The following NR5A2 variants were observed in gnomAD, a reference collection of about 807,000 sequenced individuals.
The protein encoded by NR5A2 is nuclear receptor subfamily 5 group A member 2.
Under a neutral mutation model 62.7 loss-of-function variants are expected in NR5A2, and 26 were observed. The observed-to-expected ratio is 0.41, with a 90% CI of 0.30 to 0.58. NR5A2 has a LOEUF of 0.58. NR5A2 is among the 20% of genes least tolerant of loss of function. The probability of loss-of-function intolerance (pLI) is 0.22; values close to 1 mark genes in which losing one functional copy is unlikely to be tolerated. For synonymous variants in NR5A2, 246 were observed against 241.7 expected (o/e 1.02, Z -0.16); for missense variants, 541 against 669.1 (o/e 0.81, Z 2.11).
rs141557572 is a variant in NR5A2 at position 200,123,636 on chromosome 1, G to A, written c.1378+2681G>A. Among the ~76,000 whole-genome samples the A allele has an allele frequency of 6.0e-3, 909 of 152,254 alleles. 6 individuals carry two copies. Among genetic ancestry groups the A allele is most frequent in the Non-Finnish European group, 9.7e-3 (659 of 68,020 alleles). ...AGTGTTCTTAAGGCGACGGGGATGC[G>A]GTGAATAACTTAAGTCGATTTGCCT... is the stretch of plus-strand genomic sequence containing the variant. On this transcript the variant is annotated intron_variant, in intron 7 of 7. Transcript: ENST00000367362.
intron 5 of NR5A2, among the ~76,000 whole-genome samples, chr1:200,072,193 G>A (rs1663766540): frequency 6.6e-6 from 1 of 152,084 alleles, no homozygotes; most frequent in African/African-American, 2.4e-5. Flanking sequence ...AACCCTATTG[G>A]TTTCAAAGGG....
intron 7 of NR5A2, among the ~76,000 whole-genome samples, chr1:200,142,684 A>AT (rs1158836225): frequency 2.0e-5 from 3 of 152,078 alleles, no homozygotes; most frequent in Admixed American, 6.5e-5. Context: ...GCATGCCACC[A>AT]TGTCTGTCTT....
At chr1:200,055,094 G>T (rs532751452) in intron 5 of NR5A2, among the ~76,000 whole-genome samples, 7 of 151,748 alleles carry the variant, frequency 4.6e-5, no homozygotes, top group Non-Finnish European at 1.0e-4. Flanking sequence ...GGGATCTTGC[G>T]ACGTTGCCCA....
chr1:200,142,065 CT>C (rs748400878), intron 7 of NR5A2, among the ~76,000 whole-genome samples: 5 of 151,886 alleles, frequency 3.3e-5, no homozygotes, highest in African/African-American at 1.2e-4. Context: ...AGTTTTTAAG[CT>C]TTTTTCCCCC....
chr1:200,073,298 TTATA>T (rs771272912), intron 5 of NR5A2, among the ~76,000 whole-genome samples: 1 of 116,304 alleles, frequency 8.6e-6, no homozygotes, highest in African/African-American at 3.4e-5. Flanking sequence ...ATATTCCCCT[TTATA>T]TATATATATA....
At chr1:200,086,012 C>T (rs904627856) in intron 5 of NR5A2, among the ~76,000 whole-genome samples, 1 of 152,120 alleles carries the variant, frequency 6.6e-6, no homozygotes, top group Non-Finnish European at 1.5e-5. Context: ...GGTCCATAGT[C>T]ACCTCTGTCC....
intron 5 of NR5A2, among the ~76,000 whole-genome samples, chr1:200,059,656 C>G (rs1200649030): frequency 2.0e-5 from 3 of 152,126 alleles, no homozygotes; most frequent in South Asian, 2.1e-4. Context: ...CAAACACACA[C>G]AGAAAACATG....
At chr1:200,032,157 TGAGTTGCACTTCCTCACGCTTCA>T (rs985785422) in intron 1 of NR5A2, among the ~76,000 whole-genome samples, 6 of 152,194 alleles carry the variant, frequency 3.9e-5, no homozygotes, top group Non-Finnish European at 8.8e-5. Flanking sequence ...ACTAGTTCTT[TGAGTTGCACTTCCTCACGCTTCA>T]CCTTATTGGA....
intron 6 of NR5A2, among the ~76,000 whole-genome samples, chr1:200,111,766 TA>T (rs1209053068): frequency 6.6e-6 from 1 of 152,162 alleles, no homozygotes; most frequent in African/African-American, 2.4e-5. Flanking sequence ...ATAGTTGGTA[TA>T]AAGGCAAATG....
intron 5 of NR5A2, among the ~76,000 whole-genome samples, chr1:200,083,312 T>C (rs1009025517): frequency 2.6e-5 from 4 of 152,206 alleles, no homozygotes; most frequent in Non-Finnish European, 5.9e-5. Flanking sequence ...TCCTAAAAAG[T>C]TAACTCCAAC....
chr1:200,119,723 T>C (rs1467854213), intron 6 of NR5A2, among the ~76,000 whole-genome samples: 3 of 151,984 alleles, frequency 2.0e-5, no homozygotes, highest in African/African-American at 7.3e-5. Context: ...GCCTCCCAGG[T>C]TCAAGCAATT....
chr1:200,122,079 G>C (rs1666504034), intron 7 of NR5A2, among the ~76,000 whole-genome samples: 1 of 152,128 alleles, frequency 6.6e-6, no homozygotes, highest in African/African-American at 2.4e-5. Flanking sequence ...ACAGCAAAAA[G>C]AAATGTTACT....
At chr1:200,143,214 C>T (rs1667524085) in intron 7 of NR5A2, among the ~76,000 whole-genome samples, 1 of 152,250 alleles carries the variant, frequency 6.6e-6, no homozygotes, top group African/African-American at 2.4e-5. Flanking sequence ...TTCTGTCTGA[C>T]TCTATGAGAT....
At chr1:200,138,960 G>A (rs953527357) in intron 7 of NR5A2, among the ~76,000 whole-genome samples, 1 of 152,146 alleles carries the variant, frequency 6.6e-6, no homozygotes, top group Non-Finnish European at 1.5e-5. Flanking sequence ...GGGGTCTTGA[G>A]TAAAATTGCA....
rs143787034 is a variant in NR5A2, at chr1:200,141,364, G to C, written c.1378+20409G>C. Among the ~76,000 whole-genome samples, 777 of 151,836 alleles carry C rather than the reference G, an allele frequency of 5.1e-3. 3 individuals carry two copies. The highest frequency in any genetic ancestry group is 0.018 in the African/African-American group (742 of 41,410). On this transcript the variant is annotated intron_variant, in intron 7 of 7. Transcript: ENST00000367362. Reference sequence around the variant, plus strand: ...TTCAAGAATGTTATATAAGTATATAGTATGTAACCTTTTGGAATTGGCATC... The same window carrying C: ...TTCAAGAATGTTATATAAGTATATACTATGTAACCTTTTGGAATTGGCATC...
chr1:200,054,372 T>TC, intron 5 of NR5A2, among the ~76,000 whole-genome samples: 1 of 151,306 alleles, frequency 6.6e-6, no homozygotes, highest in East Asian at 1.9e-4. Flanking sequence ...ATTTTTTTTT[T>TC]CACCTGTGTC....
intron 7 of NR5A2, among the ~76,000 whole-genome samples, chr1:200,127,398 C>T (rs969253211): frequency 1.3e-5 from 2 of 151,848 alleles, no homozygotes; most frequent in Admixed American, 6.6e-5. Context: ...TCCAAAAGGC[C>T]GGGTACAGTG....
chr1:200,149,181 G>T (rs1667872802), intron 7 of NR5A2, among the ~76,000 whole-genome samples: 1 of 152,122 alleles, frequency 6.6e-6, no homozygotes, highest in African/African-American at 2.4e-5. Flanking sequence ...CCAAAGGCTG[G>T]GATTACAGGC....
At chr1:200,144,456 C>A (rs1667598346) in intron 7 of NR5A2, among the ~76,000 whole-genome samples, 1 of 152,114 alleles carries the variant, frequency 6.6e-6, no homozygotes, top group Non-Finnish European at 1.5e-5. Flanking sequence ...TTGTGTTCTG[C>A]CTCTCTTCTT....
Sources: gnomAD v4.1 joint callset for allele counts (sites outside exome capture counted in the v4.1 genomes callset) on GRCh38, gnomAD v4.1.1 for gene constraint, MANE v1.5 for transcripts, NCBI Gene and HGNC (gene_info 2026-07-23, HGNC 2026-07-21) for gene names.